Variants in MATN3 observed in about 807,000 individuals in gnomAD.
MATN3 encodes the protein matrilin-3.
Under a neutral mutation model 45.3 loss-of-function variants are expected in MATN3, and 48 were observed. That is an observed-to-expected ratio of 1.06 (90% confidence interval 0.84 to 1.35). The LOEUF is 1.35. MATN3 is among the 40% of genes most tolerant of loss of function. MATN3 has a pLI of 0.00. For missense variants in MATN3, 599 were observed against 628.0 expected (o/e 0.95, Z 0.49); for synonymous variants, 217 against 245.9 (o/e 0.88, Z 1.10).
intron 1 of MATN3, among the ~76,000 whole-genome samples, chr2:20,008,510 C>T (rs1673156657): frequency 6.6e-6 from 1 of 152,216 alleles, no homozygotes; most frequent in South Asian, 2.1e-4. Flanking sequence ...TACCTTATGT[C>T]TCTGTCTAGT....
intron 2 of MATN3, chr2:20,004,166 G>A (rs1673047437): frequency 6.6e-6 from 1 of 152,214 alleles, no homozygotes; most frequent in Non-Finnish European, 1.5e-5. Context: ...TCCCAAGAAG[G>A]GCCTTTTCAT....
At position 20,003,537 on chromosome 2, in the gene MATN3, T is replaced by G. The variant is rs142369093; in HGVS notation, c.791-251A>C. On this transcript the variant is annotated intron_variant, in intron 2 of 7. Transcript: ENST00000407540. ...TCAAGGGAGAAAGGGAATTTGGAGT[T>G]TGGAGCTGAAGCCAAACACTTACAT... is the stretch of plus-strand genomic sequence containing the variant. Among the ~76,000 whole-genome samples, 254 of 152,360 alleles carry G rather than the reference T, an allele frequency of 1.7e-3. 3 individuals are homozygous for G. Among genetic ancestry groups the G allele is most frequent in the Admixed American group, 0.011 (166 of 15,300 alleles).
Position 20,006,238 on chromosome 2 carries a change from A to G in MATN3, c.296T>C (p.Phe99Ser). The G allele has an allele frequency of 6.2e-7, 1 of 1,612,214 alleles. No individual in the cohort carries two copies. The highest frequency in any genetic ancestry group is 1.1e-5 in the South Asian group (1 of 90,880). Residue 99 changes from phenylalanine (F) to serine (S), a missense_variant, in exon 2 of 8, where the codon TTC (phenylalanine) becomes TCC (serine). By Grantham distance (155) the Phe-to-Ser change is radical. Transcript: ENST00000407540. ...DSSRSVRPLEFTKVKTFVSRI... is the reference protein window; with the variant it reads ...DSSRSVRPLESTKVKTFVSRI... The stretch of plus-strand genomic sequence containing the variant: ...GGAGACAAAAGTTTTCACTTTGGTG[A>G]ATTCCAGGGGCCGTACGCTACGAGA...
chr2:19,994,820 G>A (rs1672829798), intron 6 of MATN3, among the ~76,000 whole-genome samples: 1 of 152,206 alleles, frequency 6.6e-6, no homozygotes. Flanking sequence ...CTGGTGCAGT[G>A]CCTTATTCCT....
intron 4 of MATN3, among the ~76,000 whole-genome samples, 152 bp downstream of exon 4, chr2:20,001,803 A>G (rs561209060): frequency 6.6e-6 from 1 of 152,330 alleles, no homozygotes; most frequent in South Asian, 2.1e-4. Context: ...TACCATTTCT[A>G]ACATTTTGGA....
rs771551775 is a variant in MATN3, at chr2:19,994,433, A to G, written c.1295-24T>C. ...GGCTGAAGACAATGACAGTACACAA[A>G]TATACTATCTAGGAATAGCTATATA... On this transcript the variant is annotated intron_variant, in intron 6 of 7. Transcript: ENST00000407540. The G allele has an allele frequency of 2.2e-5, 29 of 1,307,860 alleles. No homozygotes were observed. The East Asian group carries it at 6.5e-4, about 29-fold the overall frequency. 81.0% of individuals were successfully genotyped at this position (1,307,860 alleles called of 1,614,324 possible). A position where few individuals can be genotyped will look rare whatever the true frequency, so the allele number is the denominator to read the frequency against.
intron 1 of MATN3, among the ~76,000 whole-genome samples, chr2:20,009,486 G>C (rs1194972761): frequency 1.3e-5 from 2 of 151,960 alleles, no homozygotes; most frequent in Non-Finnish European, 2.9e-5. Flanking sequence ...TCAGGGGGTG[G>C]GGGGCAAGAG....
chr2:20,004,616 A>G (rs1435064682), intron 2 of MATN3, among the ~76,000 whole-genome samples: 1 of 152,172 alleles, frequency 6.6e-6, no homozygotes, highest in African/African-American at 2.4e-5. Flanking sequence ...CTGACAAACC[A>G]TTGATGGCTG....
intron 6 of MATN3, 59 bp downstream of exon 6, chr2:19,997,075 A>T (rs2103479606): frequency 6.3e-7 from 1 of 1,579,922 alleles, no homozygotes; most frequent in Non-Finnish European, 8.7e-7. Flanking sequence ...GAAAGAAAAA[A>T]GCTTGCTCCT....
At chr2:20,005,524 A>G (rs1031453961) in intron 2 of MATN3, among the ~76,000 whole-genome samples, 1 of 152,192 alleles carries the variant, frequency 6.6e-6, no homozygotes, top group Non-Finnish European at 1.5e-5. Flanking sequence ...TGAGCAAACC[A>G]AGTTCCATAT....
chr2:19,997,170 C>T lies in MATN3; in HGVS notation c.1258G>A (p.Gly420Ser). The part of the protein sequence containing the change: ...AASYHCDCYP[G>S]YTLNEDKKTC... ...TTCTTGTCCTCATTTAAGGTGTAGC[C>T]AGGATAGCAATCACAGTGGTAGGAT... Residue 420 changes from glycine to serine, a missense_variant, in exon 6 of 8, where the codon GGC becomes AGC. Physicochemically the swap from Gly to Ser is moderately conservative, Grantham distance 56 (BLOSUM62 0). Transcript: ENST00000407540. The T allele has an allele frequency of 6.2e-7, 1 of 1,613,890 alleles. No individual in the cohort carries two copies. The highest frequency in any genetic ancestry group is 2.2e-5 in the East Asian group (1 of 44,878).
chr2:20,000,939 A>C (rs1296752578), intron 4 of MATN3, among the ~76,000 whole-genome samples: 1 of 152,218 alleles, frequency 6.6e-6, no homozygotes, highest in Non-Finnish European at 1.5e-5. Flanking sequence ...TAGAGTTTGA[A>C]GAAATTGTAG....
intron 7 of MATN3, 88 bp downstream of exon 7, chr2:19,994,211 T>A: frequency 1.3e-6 from 1 of 755,598 alleles, no homozygotes; most frequent in Admixed American, 2.6e-5. Context: ...ATAAGTCACT[T>A]GCCTGTGGAA....
chr2:20,007,074 A>G lies in MATN3; in HGVS notation c.224-764T>C, dbSNP rs558848316. On this transcript the variant is annotated intron_variant, in intron 1 of 7. Transcript: ENST00000407540. ...ATACAAAAAATTAGCCGGGCGTGGT[A>G]GTGGGTGCCTGTATTCCCAGCTACT... 9.3e-4 allele frequency among the ~76,000 whole-genome samples: 141 copies of G among 152,188 alleles called. 1 individual carries two copies. Among genetic ancestry groups the G allele is most frequent in the African/African-American group, 2.9e-3 (119 of 41,540 alleles).
intron 1 of MATN3, among the ~76,000 whole-genome samples, chr2:20,008,624 G>A (rs769598040): frequency 1.3e-5 from 2 of 152,024 alleles, no homozygotes; most frequent in African/African-American, 2.4e-5. Context: ...TTTAGGAATC[G>A]CAAGGTACCA....
intron 7 of MATN3, among the ~76,000 whole-genome samples, chr2:19,993,823 G>C (rs1303374071): frequency 1.3e-5 from 2 of 152,252 alleles, no homozygotes; most frequent in East Asian, 3.9e-4. Flanking sequence ...CTCCTTTGAA[G>C]AAAGAACTGA....
intron 2 of MATN3, among the ~76,000 whole-genome samples, chr2:20,003,851 A>G (rs1558373633): frequency 6.6e-6 from 1 of 152,240 alleles, no homozygotes; most frequent in Non-Finnish European, 1.5e-5. Flanking sequence ...TCTTCTGAAT[A>G]TGTAAGGTGG....
At chr2:20,002,882 A>G (rs558570550) in intron 3 of MATN3, among the ~76,000 whole-genome samples, 56 of 152,290 alleles carry the variant, frequency 3.7e-4, no homozygotes, top group African/African-American at 1.1e-3. Flanking sequence ...AATTATAGGC[A>G]TGAGCTACTG....
chr2:20,002,006 A>G lies in MATN3; in HGVS notation c.991T>C (p.Cys331Arg). ...CVNDRSGSYH[C>R]ECYEGYTLNE... is the part of the protein sequence containing the mutation. ...AAGGTATAACCTTCATAGCACTCAC[A>G]ATGATAAGAGCCACTTCTGTCATTC... The change falls in exon 4 of 8, where the codon TGT becomes CGT. Residue 331 changes from cysteine (C) to arginine (R), a missense_variant. Physicochemically the swap from Cys to Arg is radical, Grantham distance 180. Coordinates refer to ENST00000407540, the MANE Select transcript of MATN3 (RefSeq NM_002381.5). 1.2e-6 allele frequency: 2 copies of G among 1,613,526 alleles called. No individual in the cohort carries two copies. The highest frequency in any genetic ancestry group is 1.7e-6 in the Non-Finnish European group (2 of 1,179,510).
Sources: gnomAD v4.1 joint callset for allele counts (sites outside exome capture counted in the v4.1 genomes callset) on GRCh38, gnomAD v4.1.1 for gene constraint, MANE v1.5 for transcripts, NCBI Gene and HGNC (gene_info 2026-07-23, HGNC 2026-07-21) for gene names.